GPR158: variants seen among roughly 807,000 people sequenced by gnomAD.
GPR158 encodes metabotropic glycine receptor.
Under a neutral mutation model 78.2 loss-of-function variants are expected in GPR158, and 30 were observed. The ratio of observed to expected loss-of-function variants is 0.38; its 90% CI spans 0.29 to 0.52. GPR158 has a LOEUF of 0.52. Ranked by LOEUF, GPR158 falls within the 20% of genes least tolerant of loss-of-function variation. GPR158 has a pLI of 0.83. For synonymous variants in GPR158, 581 were observed against 591.1 expected, an observed-to-expected ratio of 0.98 and a Z score of 0.25; for missense variants, 1,463 against 1,523.5, an observed-to-expected ratio of 0.96 and a Z score of 0.66.
intron 2 of GPR158, among the ~76,000 whole-genome samples, chr10:25,304,671 G>A (rs1244149372): frequency 1.3e-5 from 2 of 151,962 alleles, no homozygotes; most frequent in East Asian, 3.8e-4. Context: ...TTCTGCAAAC[G>A]ATTTTCCACA....
Position 25,176,902 on chromosome 10 carries a change from T to G in GPR158, c.902+580T>G, listed in dbSNP as rs1852544790. On this transcript the variant is annotated intron_variant, in intron 1 of 10. Coordinates refer to ENST00000376351, the MANE Select transcript of GPR158 (RefSeq NM_020752.3). The surrounding 1 kb of genome is among the most constrained non-coding windows in gnomAD (Gnocchi z 6.3). Reference sequence around the variant, plus strand: ...TTCCGGCCCCTCAGCAGTGAGTCAGTCCCAGCAGCTAGCTGTCTCTGGGAT... The same window carrying G: ...TTCCGGCCCCTCAGCAGTGAGTCAGGCCCAGCAGCTAGCTGTCTCTGGGAT... Among the ~76,000 whole-genome samples, 1 of 152,164 alleles carries G rather than the reference T, an allele frequency of 6.6e-6. No homozygotes were observed. The highest frequency in any genetic ancestry group is 1.5e-5 in the Non-Finnish European group (1 of 68,028).
At chr10:25,338,541 ATACG>A (rs1283509492) in intron 2 of GPR158, among the ~76,000 whole-genome samples, 14 of 62,616 alleles carry the variant, frequency 2.2e-4, no homozygotes, top group Admixed American at 1.0e-3. Flanking sequence ...TATATTATAT[ATACG>A]TAATATATAA....
chr10:25,347,904 A>T (rs1383871654), intron 2 of GPR158, among the ~76,000 whole-genome samples: 1 of 151,998 alleles, frequency 6.6e-6, no homozygotes, highest in African/African-American at 2.4e-5. Flanking sequence ...AGCTCAGTTC[A>T]TTATTTTACT....
intron 4 of GPR158, among the ~76,000 whole-genome samples, chr10:25,436,018 T>TA (rs1392257560): frequency 2.0e-5 from 3 of 151,994 alleles, no homozygotes; most frequent in African/African-American, 7.2e-5. Flanking sequence ...CTTACTAAAT[T>TA]AAAAAAATGG....
In GPR158 at chr10:25,341,475, A is replaced by T. The variant is rs551871775; in HGVS notation, c.1009-54436A>T. On this transcript the variant is annotated intron_variant, in intron 2 of 10. Coordinates refer to ENST00000376351, the MANE Select transcript of GPR158 (RefSeq NM_020752.3). ...ATACATCTAAAATAATAGTAAAAGG[A>T]TAAATAACTATGAATCTAATAGATA... is the stretch of plus-strand genomic sequence containing the variant. 1.1e-4 allele frequency among the ~76,000 whole-genome samples: 16 copies of T among 152,108 alleles called. No homozygotes were observed. In the South Asian group the frequency reaches 2.5e-3, roughly 24 times the overall value.
At chr10:25,481,372 G>C (rs1318463862) in intron 5 of GPR158, among the ~76,000 whole-genome samples, 6 of 152,124 alleles carry the variant, frequency 3.9e-5, no homozygotes, top group Admixed American at 3.9e-4. Context: ...AAATAGAGTC[G>C]AGTATATGTC....
rs372238950 is a variant in GPR158, at chr10:25,598,948, C to A, written c.3322C>A (p.Arg1108Ser). ...AAAAGAGGAGAACGGAGGTCAGCCT[C>A]GTGCAGCCAATGTGTGTGCTGGGCA... ...RAKEENGGQPRAANVCAGQSE... is the reference protein window; with the variant it reads ...RAKEENGGQPSAANVCAGQSE... The change falls in exon 11 of 11, where the codon CGT (arginine) becomes AGT (serine). Residue 1108 changes from arginine to serine, a missense_variant. Coordinates refer to ENST00000376351, the MANE Select transcript of GPR158 (RefSeq NM_020752.3). The A allele has an allele frequency of 5.6e-5, 91 of 1,613,846 alleles. No homozygotes were observed. Among genetic ancestry groups the A allele is most frequent in the Non-Finnish European group, 7.3e-5 (86 of 1,180,000 alleles).
chr10:25,580,939 A>C (rs1837188019), intron 7 of GPR158, among the ~76,000 whole-genome samples: 1 of 104,108 alleles, frequency 9.6e-6, no homozygotes, highest in African/African-American at 3.6e-5. Context: ...TTTTTTTGAG[A>C]CGGAGTCTCG....
intron 2 of GPR158, among the ~76,000 whole-genome samples, chr10:25,315,388 G>C (rs1393079809): frequency 6.6e-6 from 1 of 151,810 alleles, no homozygotes. Context: ...TGTCTTTTTT[G>C]TTAGAGTCTA....
intron 2 of GPR158, among the ~76,000 whole-genome samples, chr10:25,306,029 C>T (rs1048435931): frequency 5.9e-5 from 9 of 152,026 alleles, no homozygotes; most frequent in South Asian, 2.1e-4. Context: ...TCTCTACTCC[C>T]GTTATTATCA....
At chr10:25,306,862 G>C (rs1854683315) in intron 2 of GPR158, among the ~76,000 whole-genome samples, 1 of 151,830 alleles carries the variant, frequency 6.6e-6, no homozygotes, top group African/African-American at 2.4e-5. Flanking sequence ...GTGTCTTCTT[G>C]CTTACACTCT....
chr10:25,573,911 A>T (rs1837049640), intron 7 of GPR158, among the ~76,000 whole-genome samples: 1 of 152,124 alleles, frequency 6.6e-6, no homozygotes, highest in Non-Finnish European at 1.5e-5. Flanking sequence ...AATGATTATA[A>T]TATAAAGCTT....
At chr10:25,530,668 C>T (rs1044534406) in intron 5 of GPR158, among the ~76,000 whole-genome samples, 1 of 152,200 alleles carries the variant, frequency 6.6e-6, no homozygotes, top group Non-Finnish European at 1.5e-5. Context: ...TGCTTCAGGT[C>T]TTGCTTACAT....
At chr10:25,349,827 G>C (rs1855432394) in intron 2 of GPR158, among the ~76,000 whole-genome samples, 1 of 128,574 alleles carries the variant, frequency 7.8e-6, no homozygotes, top group Non-Finnish European at 1.5e-5. Flanking sequence ...CTTTGGATAG[G>C]GGCATGATTC....
At chr10:25,463,923 G>A (rs1835389787) in intron 4 of GPR158, among the ~76,000 whole-genome samples, 2 of 152,188 alleles carry the variant, frequency 1.3e-5, no homozygotes, top group South Asian at 4.1e-4. Flanking sequence ...GAAATATGTT[G>A]GGGAGCATGG....
At chr10:25,521,693 G>T (rs1486972227) in intron 5 of GPR158, among the ~76,000 whole-genome samples, 2 of 152,156 alleles carry the variant, frequency 1.3e-5, no homozygotes, top group African/African-American at 2.4e-5. Context: ...AAGAGCTGCT[G>T]GTCAGTAAAA....
intron 2 of GPR158, among the ~76,000 whole-genome samples, chr10:25,342,227 A>G (rs1855313045): frequency 7.1e-6 from 1 of 140,918 alleles, no homozygotes; most frequent in South Asian, 2.3e-4. Flanking sequence ...CTCTTTAAAT[A>G]CTGAAGGGAA....
intron 2 of GPR158, among the ~76,000 whole-genome samples, chr10:25,319,872 T>C (rs987347622): frequency 7.2e-6 from 1 of 138,758 alleles, no homozygotes; most frequent in African/African-American, 2.6e-5. Flanking sequence ...CTGTGGCAAA[T>C]GAAAAATAAG....
At chr10:25,395,217 T>TG (rs1459290603) in intron 2 of GPR158, among the ~76,000 whole-genome samples, 2 of 152,184 alleles carry the variant, frequency 1.3e-5, no homozygotes, top group Non-Finnish European at 2.9e-5. Flanking sequence ...GATTAAATTT[T>TG]GGGGAGATGT....
Sources: gnomAD v4.1 joint callset for allele counts (sites outside exome capture counted in the v4.1 genomes callset) on GRCh38, gnomAD v4.1.1 for gene constraint, Gnocchi (gnomAD v3.1) non-coding constraint, MANE v1.5 for transcripts, NCBI Gene and HGNC (gene_info 2026-07-23, HGNC 2026-07-21) for gene names.